The following FOXP2 variants were observed in gnomAD, a reference collection of about 807,000 sequenced individuals.
FOXP2 encodes the protein forkhead box protein P2.
A neutral mutation model predicts 115.8 loss-of-function variants in FOXP2; 12 were observed. That is an observed-to-expected ratio of 0.10 (90% CI 0.07 to 0.17). The LOEUF is 0.17. Among genes scored for constraint, FOXP2 ranks in the 10% least tolerant of loss-of-function variants. The probability of loss-of-function intolerance (pLI) is 1.00; values close to 1 mark genes in which losing one functional copy is unlikely to be tolerated. For synonymous variants in FOXP2, 328 were observed against 297.7 expected, an observed-to-expected ratio of 1.10 and a Z score of -1.05; for missense variants, 629 against 843.5, an observed-to-expected ratio of 0.75 and a Z score of 3.15.
At chr7:114,296,597 G>T (rs576046367) in intron 2 of FOXP2, among the ~76,000 whole-genome samples, 1 of 152,128 alleles carries the variant, frequency 6.6e-6, no homozygotes, top group South Asian at 2.1e-4. Flanking sequence ...GAAGAAAAAT[G>T]TTAGAGTGAC....
intron 2 of FOXP2, among the ~76,000 whole-genome samples, chr7:114,293,042 A>G (rs1796647323): frequency 6.6e-6 from 1 of 152,156 alleles, no homozygotes; most frequent in South Asian, 2.1e-4. Context: ...TACATATGGG[A>G]AAAACACGAA....
intron 2 of FOXP2, among the ~76,000 whole-genome samples, chr7:114,519,401 T>C (rs1798503167): frequency 6.6e-6 from 1 of 152,172 alleles, no homozygotes; most frequent in South Asian, 2.1e-4. Context: ...AATGCATTAG[T>C]ATTGGACTCC....
chr7:114,308,517 C>G (rs1042647164), intron 2 of FOXP2, among the ~76,000 whole-genome samples: 2 of 152,088 alleles, frequency 1.3e-5, no homozygotes, highest in Admixed American at 6.5e-5. Context: ...TGGTCAAAGG[C>G]GATAAACCCT....
chr7:114,462,138 G>T (rs552740171), intron 2 of FOXP2, among the ~76,000 whole-genome samples: 3 of 151,204 alleles, frequency 2.0e-5, no homozygotes, highest in African/African-American at 7.3e-5. Context: ...AAAATTAGCC[G>T]GGCGCGGTGG....
At chr7:114,493,336 A>G (rs1797157699) in intron 2 of FOXP2, among the ~76,000 whole-genome samples, 1 of 152,130 alleles carries the variant, frequency 6.6e-6, no homozygotes, top group Non-Finnish European at 1.5e-5. Flanking sequence ...TGAATACAGC[A>G]CACTGATGGG....
chr7:114,331,595 C>G (rs1165620442), intron 2 of FOXP2, among the ~76,000 whole-genome samples: 1 of 151,814 alleles, frequency 6.6e-6, no homozygotes, highest in African/African-American at 2.4e-5. Flanking sequence ...TAATTTTCTC[C>G]GAGGAATAAC....
chr7:114,557,575 T>TTGTC (rs59387048), intron 3 of FOXP2, among the ~76,000 whole-genome samples: 26,020 of 151,962 alleles, frequency 0.17, 2,648 homozygotes, highest in African/African-American at 0.29. Context: ...TGAGTTAAGA[T>TTGTC]TGTTTTCAAA....
At chr7:114,540,815 T>C (rs1281266431) in intron 3 of FOXP2, among the ~76,000 whole-genome samples, 1 of 152,026 alleles carries the variant, frequency 6.6e-6, no homozygotes, top group East Asian at 1.9e-4. Flanking sequence ...TGGGCAAGTG[T>C]AAGTAGTTTG....
rs377750614 is a variant in FOXP2, at chr7:114,368,984, G to C, written c.-10-57518G>C. On this transcript the variant is annotated intron_variant, in intron 2 of 17. Transcript: ENST00000634411. ...CTTGTCTCTGCTTTGCATGGCTTCA[G>C]CTGGGGCTGCTAGACCGAAGTTGGA... Among the ~76,000 whole-genome samples the C allele has an allele frequency of 3.3e-5, 5 of 152,300 alleles. No individual in the cohort carries two copies. The South Asian group carries it at 1.0e-3, about 32-fold the overall frequency.
At position 114,447,073 on chromosome 7, in the gene FOXP2, T is replaced by C. The variant is rs955361297; in HGVS notation, c.168+20394T>C. 3.9e-5 allele frequency among the ~76,000 whole-genome samples: 6 copies of C among 152,056 alleles called. No homozygotes were observed. The South Asian group carries it at 6.2e-4, about 16-fold the overall frequency. On this transcript the variant is annotated intron_variant, in intron 2 of 16. Coordinates refer to ENST00000350908, the MANE Select transcript of FOXP2 (RefSeq NM_014491.4). Reference sequence around the variant, plus strand: ...CCTCCTATCTTTTTAAGTGGCACTTTAGTCTACTCCACAAATGAAGAAAGC... The same window carrying C: ...CCTCCTATCTTTTTAAGTGGCACTTCAGTCTACTCCACAAATGAAGAAAGC...
chr7:114,173,892 G>A (rs1305335438), intron 1 of FOXP2, among the ~76,000 whole-genome samples: 1 of 151,768 alleles, frequency 6.6e-6, no homozygotes, highest in East Asian at 1.9e-4. Context: ...AGCATACTGT[G>A]GAGAAAAGAG....
intron 1 of FOXP2, among the ~76,000 whole-genome samples, chr7:114,151,082 T>A (rs1331354498): frequency 2.6e-5 from 4 of 152,028 alleles, no homozygotes; most frequent in African/African-American, 7.2e-5. Flanking sequence ...TTTCTCTAAA[T>A]GGTATTTTAA....
intron 1 of FOXP2, among the ~76,000 whole-genome samples, chr7:114,227,919 C>T (rs954392292): frequency 1.4e-4 from 22 of 152,004 alleles, no homozygotes; most frequent in East Asian, 9.6e-4. Context: ...ATGATCCTCA[C>T]GCTATATGTA....
At chr7:114,182,454 G>A (rs1793481803) in intron 1 of FOXP2, among the ~76,000 whole-genome samples, 1 of 152,022 alleles carries the variant, frequency 6.6e-6, no homozygotes, top group South Asian at 2.1e-4. Context: ...TAGTAGGTGA[G>A]TTTAAATATC....
intron 1 of FOXP2, among the ~76,000 whole-genome samples, chr7:114,122,092 A>G (rs1172360726): frequency 6.6e-6 from 1 of 152,112 alleles, no homozygotes; most frequent in African/African-American, 2.4e-5. Context: ...TGTTACTAGT[A>G]GGTGTATTTT....
chr7:114,352,548 C>A (rs144404957), intron 2 of FOXP2, among the ~76,000 whole-genome samples: 372 of 152,262 alleles, frequency 2.4e-3, no homozygotes, highest in Admixed American at 4.1e-3. Context: ...AGCTTAACAA[C>A]ACAATTTTAA....
At chr7:114,655,455 A>C (rs2129339301) in intron 10 of FOXP2, among the ~76,000 whole-genome samples, 1 of 152,294 alleles carries the variant, frequency 6.6e-6, no homozygotes, top group East Asian at 1.9e-4. Context: ...GATGGTGGGC[A>C]ATTAATACAG....
Position 114,285,831 on chromosome 7 carries a change from T to A in FOXP2, c.-101-2188T>A, listed in dbSNP as rs367913236. 1.4e-3 allele frequency among the ~76,000 whole-genome samples: 210 copies of A among 152,162 alleles called. 1 individual carries two copies. Among genetic ancestry groups the A allele is most frequent in the African/African-American group, 4.7e-3 (195 of 41,570 alleles). On this transcript the variant is annotated intron_variant, in intron 1 of 17. Coordinates refer to the FOXP2 transcript ENST00000634411. ...TTTTTCTATTGGTTTCCTCTGAATATATAAGTATATGTTAACCAGTATTAA... is the reference window on the plus strand; with the variant it reads ...TTTTTCTATTGGTTTCCTCTGAATAAATAAGTATATGTTAACCAGTATTAA...
chr7:114,403,126 C>T (rs1792932491), intron 2 of FOXP2, among the ~76,000 whole-genome samples: 1 of 152,138 alleles, frequency 6.6e-6, no homozygotes, highest in Non-Finnish European at 1.5e-5. Flanking sequence ...TATTATGTAA[C>T]AGCCCCTTCA....
Sources: gnomAD v4.1 joint callset for allele counts (sites outside exome capture counted in the v4.1 genomes callset) on GRCh38, gnomAD v4.1.1 for gene constraint, MANE v1.5 for transcripts, NCBI Gene and HGNC (gene_info 2026-07-23, HGNC 2026-07-21) for gene names.